CRTAC1: variants seen among roughly 807,000 people sequenced by gnomAD.
CRTAC1 encodes the protein acidic secreted protein in cartilage.
Under a neutral mutation model 67.8 loss-of-function variants are expected in CRTAC1, and 37 were observed. The observed-to-expected ratio is 0.55, with a 90% CI of 0.42 to 0.72. The LOEUF is 0.72. CRTAC1 is among the 30% of genes least tolerant of loss of function. The pLI, the probability that CRTAC1 is intolerant of heterozygous loss-of-function variation, is 0.00. For missense variants in CRTAC1, 780 were observed against 931.6 expected, an observed-to-expected ratio of 0.84 and a Z score of 2.12; for synonymous variants, 348 against 371.0, an observed-to-expected ratio of 0.94 and a Z score of 0.71.
At chr10:97,925,230 C>T (rs1310079301) in intron 3 of CRTAC1, among the ~76,000 whole-genome samples, 2 of 152,196 alleles carry the variant, frequency 1.3e-5, no homozygotes, top group African/African-American at 4.8e-5. Context: ...GTGATTGTGC[C>T]ACTGCACTCC....
chr10:97,891,619 CCT>C (rs2050375558), intron 11 of CRTAC1, among the ~76,000 whole-genome samples: 1 of 152,246 alleles, frequency 6.6e-6, no homozygotes, highest in Admixed American at 6.5e-5. Context: ...TTCTTCTCTG[CCT>C]CTTTCCCCAT....
intron 1 of CRTAC1, among the ~76,000 whole-genome samples, chr10:98,016,838 G>A (rs993882452): frequency 2.0e-5 from 3 of 151,208 alleles, no homozygotes; most frequent in Non-Finnish European, 4.4e-5. Flanking sequence ...GCTGGTTGAA[G>A]TCTATAAAGA....
chr10:97,912,878 G>A (rs2050707638), intron 5 of CRTAC1, among the ~76,000 whole-genome samples: 1 of 152,172 alleles, frequency 6.6e-6, no homozygotes, highest in Non-Finnish European at 1.5e-5. Flanking sequence ...CATCCTCCAG[G>A]GTGGACACAG....
chr10:97,918,627 A>G (rs1407122819), intron 4 of CRTAC1, among the ~76,000 whole-genome samples: 3 of 152,256 alleles, frequency 2.0e-5, no homozygotes, highest in African/African-American at 7.2e-5. Flanking sequence ...TTGAAAGACA[A>G]GCCATAAACC....
chr10:97,940,158 C>A, intron 2 of CRTAC1, among the ~76,000 whole-genome samples: 1 of 152,206 alleles, frequency 6.6e-6, no homozygotes, highest in East Asian at 1.9e-4. Context: ...GCTTTGTACC[C>A]ATTGTCTCAT....
intron 2 of CRTAC1, among the ~76,000 whole-genome samples, chr10:97,977,837 T>C (rs1035988582): frequency 6.6e-6 from 1 of 152,158 alleles, no homozygotes; most frequent in Non-Finnish European, 1.5e-5. Flanking sequence ...GGAACCAATA[T>C]GCTGTGATCA....
intron 11 of CRTAC1, among the ~76,000 whole-genome samples, chr10:97,885,308 T>TGGGCAAC (rs1246919326): frequency 6.6e-6 from 1 of 152,124 alleles, no homozygotes; most frequent in Admixed American, 6.5e-5. Flanking sequence ...AAGGCCAGCC[T>TGGGCAAC]GGGCAACATA....
At chr10:97,971,760 G>C (rs1458949168) in intron 2 of CRTAC1, among the ~76,000 whole-genome samples, 1 of 152,186 alleles carries the variant, frequency 6.6e-6, no homozygotes, top group Non-Finnish European at 1.5e-5. Flanking sequence ...ATATACCTTG[G>C]AGAGGTGGGA....
chr10:97,878,523 A>T, intron 14 of CRTAC1: 1 of 1,061,554 alleles, frequency 9.4e-7, no homozygotes, highest in Non-Finnish European at 1.2e-6. Context: ...TCCTGGGATG[A>T]CTTTTTTTCC....
intron 2 of CRTAC1, among the ~76,000 whole-genome samples, chr10:97,964,650 G>A (rs921665743): frequency 2.0e-5 from 3 of 152,210 alleles, no homozygotes; most frequent in Admixed American, 6.5e-5. Context: ...CGACCACACA[G>A]TGCTGATGAT....
rs190200886 is a variant in CRTAC1 at position 97,959,573 on chromosome 10, T to A, written c.225-23207A>T. Among the ~76,000 whole-genome samples the A allele has an allele frequency of 1.6e-3, 245 of 151,936 alleles. 4 individuals carry two copies. The East Asian group carries it at 0.034, about 21-fold the overall frequency. On this transcript the variant is annotated intron_variant, in intron 2 of 14. Coordinates refer to ENST00000370597, the MANE Select transcript of CRTAC1 (RefSeq NM_018058.7). ...CAGGTGGAGGCTGTTAAGGGGAGGGTATTAAGTAAAAATGCTATATAAACT... is the reference window on the plus strand; with the variant it reads ...CAGGTGGAGGCTGTTAAGGGGAGGGAATTAAGTAAAAATGCTATATAAACT...
At chr10:97,901,413 C>A in intron 8 of CRTAC1, 90 bp downstream of exon 8, 1 of 1,544,418 alleles carries the variant, frequency 6.5e-7, no homozygotes, top group East Asian at 2.3e-5. Context: ...CCTGGGAACC[C>A]TCCCCTTCTG....
Position 98,011,337 on chromosome 10 carries a change from T to A in CRTAC1, c.25A>T (p.Met9Leu). The A allele has an allele frequency of 6.2e-7, 1 of 1,613,610 alleles. No individual in the cohort carries two copies. ...AGCAGGAACGGTAACATCCTGGACA[T>A]CTGAAACCAAAAGTGACAAATGTTA... MAPSADPG[M>L]SRMLPFLLLL... The change falls in exon 2 of 15, where the codon ATG becomes TTG. Residue 9 changes from methionine (M) to leucine (L), a missense_variant and splice_region_variant. Physicochemically the swap from Met to Leu is conservative, Grantham distance 15 (BLOSUM62 2). Transcript: ENST00000370597.
At chr10:97,941,644 C>G (rs552606383) in intron 2 of CRTAC1, among the ~76,000 whole-genome samples, 10 of 152,092 alleles carry the variant, frequency 6.6e-5, no homozygotes, top group Non-Finnish European at 1.5e-4. Context: ...GTCTTCGCCT[C>G]TCATTAATTG....
intron 5 of CRTAC1, among the ~76,000 whole-genome samples, chr10:97,908,519 A>G (rs1251558491): frequency 6.6e-6 from 1 of 152,154 alleles, no homozygotes; most frequent in African/African-American, 2.4e-5. Flanking sequence ...AGATACCCCA[A>G]CAGACTCCCG....
intron 2 of CRTAC1, among the ~76,000 whole-genome samples, chr10:97,996,041 T>C (rs368637728): frequency 0.012 from 1,829 of 152,194 alleles, 51 homozygotes; most frequent in African/African-American, 0.041. Context: ...TGTAGAAAGC[T>C]GAAACTGGAT....
Position 97,895,420 on chromosome 10 carries a change from A to T in CRTAC1, c.1318-7T>A. On this transcript the variant is annotated splice_region_variant and splice_polypyrimidine_tract_variant and intron_variant, in intron 10 of 14. Coordinates refer to ENST00000370597, the MANE Select transcript of CRTAC1 (RefSeq NM_018058.7). The surrounding 1 kb of genome is among the most constrained non-coding windows in gnomAD (Gnocchi z 4.2). ...GCCAGTTGTTGTTGAAGCCCTGCAG[A>T]GAGGGTGAGAGGCAGACACCCGGTG... The T allele has an allele frequency of 6.3e-7, 1 of 1,584,614 alleles. No individual in the cohort carries two copies. The highest frequency in any genetic ancestry group is 8.6e-7 in the Non-Finnish European group (1 of 1,166,546).
intron 2 of CRTAC1, among the ~76,000 whole-genome samples, chr10:97,957,619 C>T (rs1201649418): frequency 6.6e-6 from 1 of 152,162 alleles, no homozygotes; most frequent in Non-Finnish European, 1.5e-5. Context: ...TCCTAGAGCT[C>T]ACGTTCTTAA....
intron 6 of CRTAC1, among the ~76,000 whole-genome samples, chr10:97,905,451 C>T (rs1437521145): frequency 1.3e-5 from 2 of 152,198 alleles, no homozygotes; most frequent in South Asian, 4.1e-4. Context: ...CCCTCCCTGA[C>T]CACGCATCTG....
Sources: allele counts gnomAD v4.1 joint callset (sites outside exome capture counted in the v4.1 genomes callset), GRCh38; gene constraint gnomAD v4.1.1; non-coding constraint Gnocchi (gnomAD v3.1); transcripts MANE v1.5; gene names NCBI Gene and HGNC (gene_info 2026-07-23, HGNC 2026-07-21).